The following SEC24A variants were observed in gnomAD, a reference collection of about 807,000 sequenced individuals.
SEC24A encodes the protein SEC24 homolog A, COPII component.
Under a neutral mutation model 129.4 loss-of-function variants are expected in SEC24A, and 93 were observed. The observed-to-expected ratio is 0.72, with a 90% CI of 0.61 to 0.85. The LOEUF (loss-of-function observed/expected upper bound fraction) is 0.85. SEC24A is among the 40% of genes least tolerant of loss of function. The pLI is 0.00. For missense variants in SEC24A, 1,264 were observed against 1,307.4 expected (o/e 0.97, Z 0.51); for synonymous variants, 460 against 467.3 (o/e 0.98, Z 0.20).
At position 134,725,041 on chromosome 5, in the gene SEC24A, G is replaced by T; in HGVS notation, c.3229G>T (p.Ala1077Ser). Residue 1077 changes from alanine to serine, a missense_variant, in exon 23 of 23, where the codon GCA becomes TCA. Coordinates refer to ENST00000398844, the MANE Select transcript of SEC24A (RefSeq NM_021982.3). Reference sequence around the variant, plus strand: ...CATGATAGAAGACAGAACAGAATCTGCATTATCATATTATGAATTCCTGTT... The same window carrying T: ...CATGATAGAAGACAGAACAGAATCTTCATTATCATATTATGAATTCCTGTT... ...QNMIEDRTES[A>S]LSYYEFLLHI... is the part of the protein sequence containing the mutation. 6.2e-7 allele frequency: 1 copy of T among 1,605,080 alleles called. No homozygotes were observed. The highest frequency in any genetic ancestry group is 1.1e-5 in the South Asian group (1 of 90,606).
At position 134,655,552 on chromosome 5, in the gene SEC24A, A is replaced by AG. The variant is rs1205372025; in HGVS notation, c.98-5566dup. On this transcript the variant is annotated intron_variant, in intron 1 of 22. Coordinates refer to ENST00000398844, the MANE Select transcript of SEC24A (RefSeq NM_021982.3). ...TAATCCCAGCTACTCAGGAGGCCTC[A>AG]GCCTCCTGAGTGATTCTCAGCAGGA... Among the ~76,000 whole-genome samples, 9 of 138,096 alleles carry AG rather than the reference A, an allele frequency of 6.5e-5. No individual in the cohort carries two copies. The South Asian group carries it at 9.1e-4, about 14-fold the overall frequency. 90.6% of individuals were successfully genotyped at this position (138,096 alleles called of 152,430 possible). A position where few individuals can be genotyped will look rare whatever the true frequency, so the allele number is the denominator to read the frequency against.
intron 17 of SEC24A, 40 bp from the exon 18 acceptor site, chr5:134,708,673 T>C: frequency 1.3e-6 from 2 of 1,566,628 alleles, no homozygotes; most frequent in Non-Finnish European, 1.7e-6. Context: ...GCTAAACTTC[T>C]ATCATATTTC....
chr5:134,705,116 T>G (rs1480526682), intron 16 of SEC24A, among the ~76,000 whole-genome samples: 1 of 148,002 alleles, frequency 6.8e-6, no homozygotes, highest in African/African-American at 2.5e-5. Context: ...TTAATTTATT[T>G]TTTTTTAAGA....
At chr5:134,710,800 C>T (rs1482572575) in intron 18 of SEC24A, among the ~76,000 whole-genome samples, 4 of 152,256 alleles carry the variant, frequency 2.6e-5, no homozygotes, top group African/African-American at 9.6e-5. Flanking sequence ...AATGTCCAAA[C>T]TTATTGCCTC....
intron 11 of SEC24A, among the ~76,000 whole-genome samples, chr5:134,691,005 T>C (rs748300111): frequency 6.6e-6 from 1 of 151,214 alleles, no homozygotes; most frequent in Admixed American, 6.6e-5. Flanking sequence ...CATGTGCCAT[T>C]ATGCCTAGCT....
At chr5:134,718,382 C>T (rs1017061764) in intron 20 of SEC24A, among the ~76,000 whole-genome samples, 1 of 152,162 alleles carries the variant, frequency 6.6e-6, no homozygotes. Flanking sequence ...GAATTCGTAT[C>T]ATTTAGTATT....
Position 134,726,845 on chromosome 5 carries a change from A to G in SEC24A, c.*1751A>G, listed in dbSNP as rs1249059561. On this transcript the variant is annotated 3_prime_UTR_variant, in exon 23 of 23. Coordinates refer to ENST00000398844, the MANE Select transcript of SEC24A (RefSeq NM_021982.3). ...CTTTCTTAGTAGTAAAGAATCTTCT[A>G]GAGGGAAACATTTGTGCTTTTAGGG... 1 of 152,168 alleles carries G rather than the reference A, an allele frequency of 6.6e-6. No individual in the cohort carries two copies. The highest frequency in any genetic ancestry group is 1.5e-5 in the Non-Finnish European group (1 of 67,992). The allele number at this position is 152,168 out of a possible 1,614,324, so 9.4% of individuals were successfully genotyped here.
intron 4 of SEC24A, 138 bp from the exon 5 acceptor site, chr5:134,674,477 C>A: frequency 3.1e-6 from 2 of 638,284 alleles, no homozygotes; most frequent in South Asian, 2.8e-5. Context: ...GTTAAGGCTG[C>A]AGTGAGGTGT....
intron 11 of SEC24A, 95 bp from the exon 12 acceptor site, chr5:134,692,488 GAGGAGGTGGCTTATTTTTA>G: frequency 8.2e-6 from 5 of 610,578 alleles, no homozygotes; most frequent in Non-Finnish European, 1.5e-5. Flanking sequence ...TATAATAGTG[GAGGAGGTGGCTTATTTTTA>G]AGGAAGGGGG....
chr5:134,691,693 A>G (rs1312670877), intron 11 of SEC24A, among the ~76,000 whole-genome samples: 1 of 151,712 alleles, frequency 6.6e-6, no homozygotes, highest in Non-Finnish European at 1.5e-5. Context: ...TACTAGAGAC[A>G]GGGTTTCACC....
Position 134,726,988 on chromosome 5 carries a change from CAT to C in SEC24A, c.*1895_*1896del, listed in dbSNP as rs998133649. The C allele has an allele frequency of 3.3e-4, 50 of 152,554 alleles. No individual in the cohort carries two copies. Among genetic ancestry groups the C allele is most frequent in the Non-Finnish European group, 4.4e-4 (30 of 67,976 alleles). The allele number at this position is 152,554 out of a possible 1,614,324, so 9.5% of individuals were successfully genotyped here. On this transcript the variant is annotated 3_prime_UTR_variant, in exon 23 of 23. Transcript: ENST00000398844. ...AAATATTATTTTAGATACGGTGTAA[CAT>C]GTGCAATTCAGAATAATTTTATAAC... is the stretch of plus-strand genomic sequence containing the variant.
chr5:134,720,661 G>C (rs555847393), intron 20 of SEC24A, among the ~76,000 whole-genome samples: 138 of 152,274 alleles, frequency 9.1e-4, no homozygotes, highest in African/African-American at 3.3e-3. Flanking sequence ...CCAGCACTTT[G>C]GGAGGCTGAG....
At chr5:134,662,387 C>G (rs1341653070) in intron 2 of SEC24A, among the ~76,000 whole-genome samples, 1 of 152,066 alleles carries the variant, frequency 6.6e-6, no homozygotes, top group Non-Finnish European at 1.5e-5. Context: ...ATCTCCTGAC[C>G]TCGTGATCCG....
At chr5:134,680,273 A>G (rs982520215) in intron 8 of SEC24A, among the ~76,000 whole-genome samples, 3 of 152,244 alleles carry the variant, frequency 2.0e-5, no homozygotes, top group African/African-American at 7.2e-5. Context: ...GGAAGTGGGT[A>G]TGCCAGTATC....
chr5:134,712,767 T>C (rs566631471), intron 18 of SEC24A, among the ~76,000 whole-genome samples: 1 of 149,830 alleles, frequency 6.7e-6, no homozygotes, highest in South Asian at 2.1e-4. Flanking sequence ...TACAGGTGTG[T>C]GCCACCATGC....
Position 134,708,829 on chromosome 5 carries a change from C to A in SEC24A, c.2668C>A (p.Leu890Ile), listed in dbSNP as rs1426316542. 1 of 1,614,144 alleles carries A rather than the reference C, an allele frequency of 6.2e-7. No individual in the cohort carries two copies. Among genetic ancestry groups the A allele is most frequent in the Non-Finnish European group, 8.5e-7 (1 of 1,180,042 alleles). The change falls in exon 18 of 23, where the codon CTC becomes ATC. Residue 890 changes from leucine (L) to isoleucine (I), a missense_variant. Coordinates refer to ENST00000398844, the MANE Select transcript of SEC24A (RefSeq NM_021982.3). ...SSVLSNQQPG[L>I]MVPFSLRLFP... ...AGTCTTAAGTAACCAGCAGCCTGGA[C>A]TCATGGTTCCTTTTTCTTTGCGGCT...
At chr5:134,668,004 A>G (rs183296995) in intron 3 of SEC24A, among the ~76,000 whole-genome samples, 1,694 of 152,142 alleles carry the variant, frequency 0.011, 16 homozygotes, top group Non-Finnish European at 0.015. Flanking sequence ...ACTTGAGGTC[A>G]GGAGTTTGAG....
chr5:134,652,261 A>G (rs1262285381), intron 1 of SEC24A, among the ~76,000 whole-genome samples: 1 of 151,652 alleles, frequency 6.6e-6, no homozygotes. Context: ...CTTAAATTAC[A>G]TATTACAGTA....
intron 1 of SEC24A, among the ~76,000 whole-genome samples, chr5:134,654,512 G>T (rs556650147): frequency 6.6e-6 from 1 of 152,094 alleles, no homozygotes; most frequent in Admixed American, 6.6e-5. Flanking sequence ...GAGCCACTGC[G>T]CCCAGCTGAG....
Sources: gnomAD v4.1 joint callset for allele counts (sites outside exome capture counted in the v4.1 genomes callset) on GRCh38, gnomAD v4.1.1 for gene constraint, MANE v1.5 for transcripts, NCBI Gene and HGNC (gene_info 2026-07-23, HGNC 2026-07-21) for gene names.